The following SEPTIN14 variants were observed in gnomAD, a reference collection of about 807,000 sequenced individuals.
The protein encoded by SEPTIN14 is septin 14, also known as septin-14.
Under a neutral mutation model 53.6 loss-of-function variants are expected in SEPTIN14, and 40 were observed. The ratio of observed to expected loss-of-function variants is 0.75; its 90% CI spans 0.58 to 0.97. The LOEUF (loss-of-function observed/expected upper bound fraction) is 0.97, where lower values mean the gene tolerates loss of function less well. Among genes scored for constraint, SEPTIN14 ranks in the 50% least tolerant of loss-of-function variants. The pLI, the probability that SEPTIN14 is intolerant of heterozygous loss-of-function variation, is 0.00. For missense variants in SEPTIN14, 471 were observed against 508.2 expected, an observed-to-expected ratio of 0.93 and a Z score of 0.70; for synonymous variants, 138 against 166.8, an observed-to-expected ratio of 0.83 and a Z score of 1.33.
intron 2 of SEPTIN14, among the ~76,000 whole-genome samples, chr7:55,856,640 G>T (rs1460053407): frequency 2.0e-5 from 3 of 152,018 alleles, no homozygotes; most frequent in Non-Finnish European, 4.4e-5. Context: ...TGATCCGCCT[G>T]TCTTGGCCTC....
intron 8 of SEPTIN14, among the ~76,000 whole-genome samples, chr7:55,806,351 C>T (rs374967963): frequency 9.2e-4 from 140 of 152,174 alleles, no homozygotes; most frequent in African/African-American, 3.2e-3. Context: ...TCTCATTTAA[C>T]TTCCAGGATG....
chr7:55,857,702 C>T (rs1212037672), intron 2 of SEPTIN14, among the ~76,000 whole-genome samples: 1 of 148,750 alleles, frequency 6.7e-6, no homozygotes, highest in Non-Finnish European at 1.5e-5. Flanking sequence ...ATTCTCCTGC[C>T]TCAGCCTCCC....
At chr7:55,849,392 A>C (rs920871737) in intron 2 of SEPTIN14, among the ~76,000 whole-genome samples, 1 of 152,032 alleles carries the variant, frequency 6.6e-6, no homozygotes, top group Admixed American at 6.6e-5. Flanking sequence ...TTAAATAAGC[A>C]AAAATTTGCT....
intron 2 of SEPTIN14, among the ~76,000 whole-genome samples, chr7:55,847,074 G>C (rs1789428576): frequency 6.6e-6 from 1 of 151,982 alleles, no homozygotes; most frequent in South Asian, 2.1e-4. Flanking sequence ...CAAAATTGGT[G>C]GTGCATGCTT....
intron 7 of SEPTIN14, among the ~76,000 whole-genome samples, chr7:55,808,329 A>G (rs1298124437): frequency 6.6e-6 from 1 of 152,200 alleles, no homozygotes; most frequent in Non-Finnish European, 1.5e-5. Flanking sequence ...TGACAGATCA[A>G]TTTCATTCCA....
At chr7:55,806,729 C>G (rs1788616135) in intron 8 of SEPTIN14, among the ~76,000 whole-genome samples, 2 of 152,206 alleles carry the variant, frequency 1.3e-5, no homozygotes, top group African/African-American at 4.8e-5. Context: ...TCCCAAAGTG[C>G]TGGGATTACA....
chr7:55,811,493 G>GTTTT, intron 7 of SEPTIN14: 1 of 237,200 alleles, frequency 4.2e-6, no homozygotes, highest in Non-Finnish European at 8.1e-6. Context: ...AAGTTTTACA[G>GTTTT]TTCTTTTTTT....
chr7:55,855,931 A>G (rs766947480), intron 2 of SEPTIN14, among the ~76,000 whole-genome samples: 34 of 152,210 alleles, frequency 2.2e-4, no homozygotes, highest in Middle Eastern at 6.8e-3. Flanking sequence ...CTAAGTAGAG[A>G]ATACAAGGTA....
intron 7 of SEPTIN14, among the ~76,000 whole-genome samples, chr7:55,817,135 G>GA (rs1291651142): frequency 6.6e-6 from 1 of 151,920 alleles, no homozygotes; most frequent in Non-Finnish European, 1.5e-5. Flanking sequence ...GATGCATGAA[G>GA]AAAAAAAGTG....
In SEPTIN14 at chr7:55,856,517, G is replaced by A. The variant is rs557776946; in HGVS notation, c.54+5426C>T. Among the ~76,000 whole-genome samples the A allele has an allele frequency of 1.8e-3, 276 of 151,458 alleles. 1 individual carries two copies. Among genetic ancestry groups the A allele is most frequent in the African/African-American group, 6.0e-3 (249 of 41,282 alleles). The stretch of plus-strand genomic sequence containing the variant: ...AGCGATTCTCCTGCCTCAGCCTCCC[G>A]AATAGCTGAGATCACAGGTGCCCAC... On this transcript the variant is annotated intron_variant, in intron 2 of 9. Transcript: ENST00000388975.
chr7:55,796,513 T>C (rs1213412944), intron 9 of SEPTIN14, among the ~76,000 whole-genome samples: 1 of 152,002 alleles, frequency 6.6e-6, no homozygotes, highest in Non-Finnish European at 1.5e-5. Context: ...TCCTCCCGCT[T>C]TGGCCTCCCA....
intron 7 of SEPTIN14, among the ~76,000 whole-genome samples, chr7:55,818,718 T>C (rs1462939081): frequency 6.6e-6 from 1 of 152,184 alleles, no homozygotes; most frequent in Non-Finnish European, 1.5e-5. Flanking sequence ...CAGTTTAAAA[T>C]GGTTTCTACA....
chr7:55,802,330 C>T (rs1018835616), intron 9 of SEPTIN14, among the ~76,000 whole-genome samples: 2 of 151,806 alleles, frequency 1.3e-5, no homozygotes, highest in South Asian at 2.1e-4. Context: ...TAAATGCATT[C>T]GAAGAAGACA....
At chr7:55,826,980 G>A (rs1028704748) in intron 6 of SEPTIN14, among the ~76,000 whole-genome samples, 1 of 152,092 alleles carries the variant, frequency 6.6e-6, no homozygotes, top group Non-Finnish European at 1.5e-5. Flanking sequence ...TCTGCCAGCT[G>A]TGTGGGGGCC....
At chr7:55,843,965 T>C (rs898319249) in intron 4 of SEPTIN14, among the ~76,000 whole-genome samples, 1 of 152,046 alleles carries the variant, frequency 6.6e-6, no homozygotes, top group Non-Finnish European at 1.5e-5. Flanking sequence ...CAAGACCCCA[T>C]CTATACAAAC....
intron 2 of SEPTIN14, among the ~76,000 whole-genome samples, chr7:55,857,833 C>T (rs1461609363): frequency 6.6e-6 from 1 of 150,834 alleles, no homozygotes; most frequent in Non-Finnish European, 1.5e-5. Context: ...GTGATCCGCC[C>T]GCCTCGGCCT....
intron 7 of SEPTIN14, among the ~76,000 whole-genome samples, chr7:55,812,475 C>T (rs534530848): frequency 6.6e-6 from 1 of 152,022 alleles, no homozygotes; most frequent in Non-Finnish European, 1.5e-5. Context: ...TCAAACGGTA[C>T]GAAGTTTTAG....
intron 6 of SEPTIN14, among the ~76,000 whole-genome samples, chr7:55,823,654 G>T (rs1365593600): frequency 6.6e-6 from 1 of 152,138 alleles, no homozygotes; most frequent in Non-Finnish European, 1.5e-5. Flanking sequence ...CTGGCTGGAG[G>T]TCCCTGGCTG....
At chr7:55,803,459 C>A (rs538200394) in intron 9 of SEPTIN14, among the ~76,000 whole-genome samples, 76 of 151,906 alleles carry the variant, frequency 5.0e-4, no homozygotes, top group Non-Finnish European at 9.4e-4. Flanking sequence ...TTTTATAAAA[C>A]AATGATAAAA....
Sources: allele counts gnomAD v4.1 joint callset (sites outside exome capture counted in the v4.1 genomes callset), GRCh38; gene constraint gnomAD v4.1.1; transcripts MANE v1.5; gene names NCBI Gene and HGNC (gene_info 2026-07-23, HGNC 2026-07-21).